CNTNAP2: variants seen among roughly 807,000 people sequenced by gnomAD.
CNTNAP2 encodes the protein contactin associated protein 2.
In CNTNAP2, 98 loss-of-function variants were observed where a neutral mutation model predicts 155.2. The observed-to-expected ratio is 0.63, with a 90% confidence interval of 0.54 to 0.75. The LOEUF (loss-of-function observed/expected upper bound fraction) is 0.75, where lower values mean the gene tolerates loss of function less well. Ranked by LOEUF, CNTNAP2 falls within the 30% of genes least tolerant of loss-of-function variation. The probability of loss-of-function intolerance (pLI) is 0.00; values close to 1 mark genes in which losing one functional copy is unlikely to be tolerated. For synonymous variants in CNTNAP2, 651 were observed against 631.2 expected (o/e 1.03, Z -0.47); for missense variants, 1,727 against 1,688.1 (o/e 1.02, Z -0.40).
intron 1 of CNTNAP2, among the ~76,000 whole-genome samples, chr7:146,673,279 T>C (rs527328877): frequency 2.0e-5 from 3 of 152,342 alleles, no homozygotes; most frequent in Admixed American, 2.0e-4. Context: ...ATCACTTGTG[T>C]GTAAATTTTT....
At chr7:146,193,800 C>A (rs1034038871) in intron 1 of CNTNAP2, among the ~76,000 whole-genome samples, 29 of 152,184 alleles carry the variant, frequency 1.9e-4, no homozygotes, top group Admixed American at 9.2e-4. Context: ...TTTCTATTGC[C>A]GTGTCAGGCT....
chr7:146,867,636 A>G (rs2129206559), intron 3 of CNTNAP2, among the ~76,000 whole-genome samples: 1 of 152,214 alleles, frequency 6.6e-6, no homozygotes, highest in Admixed American at 6.5e-5. Context: ...ACACCCACCA[A>G]CAGTGTATAA....
At position 147,114,024 on chromosome 7, in the gene CNTNAP2, C is replaced by G. The variant is rs765434963; in HGVS notation, c.754+5674C>G. Among the ~76,000 whole-genome samples, 9 of 152,102 alleles carry G rather than the reference C, an allele frequency of 5.9e-5. No individual in the cohort carries two copies. In the South Asian group the frequency reaches 1.2e-3, roughly 21 times the overall value. ...TTCTGGTACTTTGTATCTTTGTTCT[C>G]ATTAGTTTCAAAGAAATTCTTGATT... On this transcript the variant is annotated intron_variant, in intron 5 of 23. Transcript: ENST00000361727.
chr7:147,767,970 G>C (rs770840277), intron 13 of CNTNAP2, among the ~76,000 whole-genome samples: 2 of 152,068 alleles, frequency 1.3e-5, no homozygotes, highest in Non-Finnish European at 2.9e-5. Flanking sequence ...CTAGGGTCTG[G>C]ATCCTAGTTC....
At chr7:146,139,693 G>T (rs534230732) in intron 1 of CNTNAP2, among the ~76,000 whole-genome samples, 3 of 151,560 alleles carry the variant, frequency 2.0e-5, no homozygotes, top group African/African-American at 7.3e-5. Flanking sequence ...ATATTAATTT[G>T]TTGCACAAAT....
chr7:147,948,337 TA>T (rs1183473920), intron 14 of CNTNAP2, among the ~76,000 whole-genome samples: 1 of 152,022 alleles, frequency 6.6e-6, no homozygotes, highest in African/African-American at 2.4e-5. Context: ...ACACAAAGGA[TA>T]AATACTTGAG....
At chr7:148,340,292 C>T (rs1798205647) in intron 21 of CNTNAP2, among the ~76,000 whole-genome samples, 1 of 152,120 alleles carries the variant, frequency 6.6e-6, no homozygotes, top group Non-Finnish European at 1.5e-5. Flanking sequence ...TCCTGCAAAA[C>T]AAATTAGCCC....
At chr7:147,907,868 G>T (rs1799990577) in intron 14 of CNTNAP2, among the ~76,000 whole-genome samples, 1 of 151,738 alleles carries the variant, frequency 6.6e-6, no homozygotes, top group African/African-American at 2.4e-5. Context: ...CGCAACCTCT[G>T]CCCCCAGTCT....
At chr7:146,741,239 G>T (rs1801711111) in intron 1 of CNTNAP2, among the ~76,000 whole-genome samples, 1 of 152,138 alleles carries the variant, frequency 6.6e-6, no homozygotes, top group Non-Finnish European at 1.5e-5. Flanking sequence ...GTGGTAAAAA[G>T]ATCCTAGCCC....
chr7:147,146,090 C>T (rs1018095745), intron 8 of CNTNAP2, among the ~76,000 whole-genome samples: 1 of 152,126 alleles, frequency 6.6e-6, no homozygotes, highest in Non-Finnish European at 1.5e-5. Context: ...GTCAACATAA[C>T]AGATTGCCAA....
chr7:146,144,589 C>T, intron 1 of CNTNAP2, among the ~76,000 whole-genome samples: 1 of 152,156 alleles, frequency 6.6e-6, no homozygotes, highest in East Asian at 1.9e-4. Context: ...GCTTACTTTG[C>T]TATTGCTGAA....
chr7:148,041,803 CTGGCATTA>C (rs1166551396), intron 15 of CNTNAP2, among the ~76,000 whole-genome samples: 1 of 152,114 alleles, frequency 6.6e-6, no homozygotes, highest in African/African-American at 2.4e-5. Context: ...CACTTTCGAC[CTGGCATTA>C]TGGTAGGTGC....
At chr7:147,442,415 C>T (rs1797657829) in intron 10 of CNTNAP2, among the ~76,000 whole-genome samples, 1 of 152,142 alleles carries the variant, frequency 6.6e-6, no homozygotes, top group African/African-American at 2.4e-5. Context: ...GTGGGCTCCC[C>T]TCTGACCCTG....
At chr7:146,432,965 C>G (rs1199190320) in intron 1 of CNTNAP2, among the ~76,000 whole-genome samples, 1 of 152,130 alleles carries the variant, frequency 6.6e-6, no homozygotes, top group Non-Finnish European at 1.5e-5. Context: ...ATGAAAGGAA[C>G]TAATGAAAGA....
intron 1 of CNTNAP2, among the ~76,000 whole-genome samples, chr7:146,385,709 T>G (rs539101517): frequency 6.6e-6 from 1 of 152,302 alleles, no homozygotes; most frequent in Admixed American, 6.5e-5. Context: ...TACTGATCCC[T>G]TGGGGTTTCA....
At chr7:147,137,035 A>G (rs1427815468) in intron 8 of CNTNAP2, among the ~76,000 whole-genome samples, 1 of 151,836 alleles carries the variant, frequency 6.6e-6, no homozygotes, top group East Asian at 1.9e-4. Flanking sequence ...AGAAGCCTTA[A>G]AAGATGTTAC....
chr7:147,318,703 T>C (rs1402266494), intron 9 of CNTNAP2, among the ~76,000 whole-genome samples: 1 of 151,874 alleles, frequency 6.6e-6, no homozygotes, highest in Admixed American at 6.6e-5. Flanking sequence ...ATAGGACAAA[T>C]ACCTAAAGCA....
chr7:147,044,687 T>C (rs1799324273), intron 4 of CNTNAP2, among the ~76,000 whole-genome samples: 1 of 152,176 alleles, frequency 6.6e-6, no homozygotes, highest in Admixed American at 6.5e-5. Context: ...CATATGAATT[T>C]GGGGGATTAT....
intron 21 of CNTNAP2, among the ~76,000 whole-genome samples, chr7:148,296,889 AG>A (rs1221056047): frequency 1.3e-5 from 2 of 152,232 alleles, no homozygotes; most frequent in Non-Finnish European, 2.9e-5. Flanking sequence ...GTTTATTCAA[AG>A]AATGTTGATT....
Sources: allele counts gnomAD v4.1 joint callset (sites outside exome capture counted in the v4.1 genomes callset), GRCh38; gene constraint gnomAD v4.1.1; transcripts MANE v1.5; gene names NCBI Gene and HGNC (gene_info 2026-07-23, HGNC 2026-07-21).